Variants in DNAAF1 observed in about 807,000 individuals in gnomAD.
DNAAF1 encodes the protein dynein assembly factor 1, axonemal.
A neutral mutation model predicts 71.1 loss-of-function variants in DNAAF1; 65 were observed. That is an observed-to-expected ratio of 0.91 (90% confidence interval 0.75 to 1.12). The LOEUF is 1.12. Ranked by LOEUF, DNAAF1 falls within the 50% of genes most tolerant of loss-of-function variation. DNAAF1 has a pLI of 0.00. For missense variants in DNAAF1, 1,178 were observed against 899.8 expected (o/e 1.31, Z -3.96); for synonymous variants, 414 against 354.6 (o/e 1.17, Z -1.88).
At chr16:84,172,613 T>G in intron 9 of DNAAF1, 2 of 1,351,918 alleles carry the variant, frequency 1.5e-6, no homozygotes, top group African/African-American at 1.5e-5. Context: ...ATGCTCAAGT[T>G]TGGGGAGCCC....
rs139966225 is a variant in DNAAF1 at position 84,163,859 on chromosome 16, CTTT to C, written c.864-1912_864-1910del. Among the ~76,000 whole-genome samples the C allele has an allele frequency of 5.7e-4, 82 of 144,548 alleles. 1 individual carries two copies. The highest frequency in any genetic ancestry group is 2.8e-3 in the Admixed American group (41 of 14,412). 94.8% of individuals were successfully genotyped at this position (144,548 alleles called of 152,430 possible). A position where few individuals can be genotyped will look rare whatever the true frequency, so the allele number is the denominator to read the frequency against. On this transcript the variant is annotated intron_variant, in intron 6 of 11. Transcript: ENST00000378553. ...TGCTGATTTTTAAAAAATTAATAGACTTTTTTTTTTTTTTGTGGGGGACAGCGT... is the reference window on the plus strand; with the variant it reads ...TGCTGATTTTTAAAAAATTAATAGACTTTTTTTTTTTGTGGGGGACAGCGT...
At chr16:84,177,279 TTTTG>T (rs996203833) in intron 11 of DNAAF1, 31 of 252,302 alleles carry the variant, frequency 1.2e-4, no homozygotes, top group Admixed American at 1.1e-3. Context: ...AATAATTTGT[TTTTG>T]TTTGTTTTGT....
chr16:84,159,431 G>A (rs1165013885), intron 5 of DNAAF1, among the ~76,000 whole-genome samples: 1 of 152,194 alleles, frequency 6.6e-6, no homozygotes, highest in Admixed American at 6.6e-5. Context: ...CTGGAGGGAC[G>A]ATGAGATCTA....
At chr16:84,146,514 C>T (rs1328261485) in intron 1 of DNAAF1, among the ~76,000 whole-genome samples, 1 of 152,064 alleles carries the variant, frequency 6.6e-6, no homozygotes, top group Non-Finnish European at 1.5e-5. Context: ...GTCAGGAGTT[C>T]GAGACCAGTC....
At chr16:84,146,932 T>C (rs1331191126) in intron 1 of DNAAF1, among the ~76,000 whole-genome samples, 2 of 152,212 alleles carry the variant, frequency 1.3e-5, no homozygotes, top group African/African-American at 2.4e-5. Context: ...AAGCATCAAC[T>C]GTCCAGATGA....
chr16:84,170,873 T>TA (rs1185048247), intron 8 of DNAAF1, among the ~76,000 whole-genome samples: 2 of 151,866 alleles, frequency 1.3e-5, no homozygotes, highest in Non-Finnish European at 1.5e-5. Flanking sequence ...AAGTAAAAAG[T>TA]AAAAAAACAG....
rs773251720 is a variant in DNAAF1, at chr16:84,155,604, C to T, written c.596C>T (p.Thr199Ile). 16 of 1,614,094 alleles carry T rather than the reference C, an allele frequency of 9.9e-6. 1 individual carries two copies. The highest frequency in any genetic ancestry group is 1.4e-5 in the Non-Finnish European group (16 of 1,180,048). The change falls in exon 5 of 12, where the codon ACA (threonine) becomes ATA (isoleucine). Residue 199 changes from threonine (T) to isoleucine (I), a missense_variant. By Grantham distance (89) the Thr-to-Ile change is moderately conservative (BLOSUM62 -1). Coordinates refer to ENST00000378553, the MANE Select transcript of DNAAF1 (RefSeq NM_178452.6). Reference sequence around the variant, plus strand: ...CCAGCCTGCCTCCCAGTCCTGAACACATTGCAGATGGCCCACAATCACCTG... The same window carrying T: ...CCAGCCTGCCTCCCAGTCCTGAACATATTGCAGATGGCCCACAATCACCTG... Reference protein sequence around the residue: ...ENLSCLPVLNTLQMAHNHLET... With the variant: ...ENLSCLPVLNILQMAHNHLET...
chr16:84,172,806 G>T, intron 9 of DNAAF1: 2 of 1,056,596 alleles, frequency 1.9e-6, no homozygotes, highest in Non-Finnish European at 2.3e-6. Flanking sequence ...CGTGGACACC[G>T]CCCAGCAGGT....
chr16:84,167,555 T>G (rs953001185), intron 7 of DNAAF1, among the ~76,000 whole-genome samples: 1 of 152,150 alleles, frequency 6.6e-6, no homozygotes, highest in South Asian at 2.1e-4. Context: ...GATGCAGGTC[T>G]TAGGAGCTCT....
chr16:84,173,711 G>C (rs1036632795), intron 9 of DNAAF1: 1 of 198,920 alleles, frequency 5.0e-6, no homozygotes, highest in African/African-American at 2.4e-5. Context: ...AATAAAATTA[G>C]CTGGGCGTGG....
chr16:84,175,668 G>C (rs530667172), intron 10 of DNAAF1: 2 of 501,444 alleles, frequency 4.0e-6, no homozygotes, highest in South Asian at 4.1e-5. Context: ...TCAGGGGTGC[G>C]CCCTCTCAGG....
intron 9 of DNAAF1, chr16:84,172,787 T>C (rs1375894784): frequency 1.9e-6 from 2 of 1,073,864 alleles, no homozygotes; most frequent in South Asian, 2.9e-5. Flanking sequence ...TTGTATCTTT[T>C]CCCCCCTCCG....
intron 7 of DNAAF1, among the ~76,000 whole-genome samples, chr16:84,167,928 A>T (rs1441392011): frequency 1.3e-5 from 2 of 151,980 alleles, no homozygotes; most frequent in African/African-American, 2.4e-5. Flanking sequence ...GAGGCAGGAG[A>T]ATTGCTTGAA....
Position 84,150,872 on chromosome 16 carries a change from C to T in DNAAF1, c.352+530C>T, listed in dbSNP as rs1389033553. Among the ~76,000 whole-genome samples the T allele has an allele frequency of 2.6e-5, 4 of 152,244 alleles. No individual in the cohort carries two copies. In the East Asian group the frequency reaches 7.7e-4, roughly 29 times the overall value. On this transcript the variant is annotated intron_variant, in intron 3 of 11. Transcript: ENST00000378553. ...CAGTCGATCCAGCTGCCTCAGCCTC[C>T]CAAAGTACTGGGCTTACAAGTGTGA... is the stretch of plus-strand genomic sequence containing the variant.
intron 5 of DNAAF1, among the ~76,000 whole-genome samples, chr16:84,158,519 C>CT (rs1348947183): frequency 6.6e-6 from 1 of 152,180 alleles, no homozygotes; most frequent in African/African-American, 2.4e-5. Flanking sequence ...AGGGTTTGGA[C>CT]TTTAACATGT....
At position 84,145,427 on chromosome 16, in the gene DNAAF1, T is replaced by C. The variant is rs1366192150; in HGVS notation, c.-14T>C. The stretch of plus-strand genomic sequence containing the variant: ...CCCCAAAGCTGCGGGGCGTTCGGTG[T>C]CGCCGAAGTAAACATGCACCCTGAG... On this transcript the variant is annotated 5_prime_UTR_variant, in exon 1 of 12. Coordinates refer to ENST00000378553, the MANE Select transcript of DNAAF1 (RefSeq NM_178452.6). The C allele has an allele frequency of 6.3e-7, 1 of 1,577,380 alleles. No homozygotes were observed. The highest frequency in any genetic ancestry group is 8.6e-7 in the Non-Finnish European group (1 of 1,161,980).
At chr16:84,158,971 T>C in intron 5 of DNAAF1, 4 of 943,902 alleles carry the variant, frequency 4.2e-6, no homozygotes, top group Non-Finnish European at 5.0e-6. Context: ...CCTCAAGTGA[T>C]CCACCCACCT....
intron 5 of DNAAF1, among the ~76,000 whole-genome samples, chr16:84,156,646 G>A (rs969084446): frequency 6.6e-5 from 10 of 152,114 alleles, no homozygotes; most frequent in Non-Finnish European, 1.5e-4. Flanking sequence ...ATTTAATGAT[G>A]AGTCACACAA....
At chr16:84,172,950 A>G in intron 9 of DNAAF1, 1 of 1,007,324 alleles carries the variant, frequency 9.9e-7, no homozygotes. Context: ...TGACAGTCTC[A>G]AATGCTTAGG....
Sources: gnomAD v4.1 joint callset for allele counts (sites outside exome capture counted in the v4.1 genomes callset) on GRCh38, gnomAD v4.1.1 for gene constraint, MANE v1.5 for transcripts, NCBI Gene and HGNC (gene_info 2026-07-23, HGNC 2026-07-21) for gene names.